Variants in TVP23B observed in about 807,000 individuals in gnomAD.
TVP23B encodes the protein trans-golgi network vesicle protein 23 homolog B.
Under a neutral mutation model 30.6 loss-of-function variants are expected in TVP23B, and 10 were observed. The observed-to-expected ratio is 0.33, with a 90% CI of 0.20 to 0.55. The LOEUF (loss-of-function observed/expected upper bound fraction) is 0.55, where lower values mean the gene tolerates loss of function less well. Ranked by LOEUF, TVP23B falls within the 20% of genes least tolerant of loss-of-function variation. The pLI is 0.91. For synonymous variants in TVP23B, 67 were observed against 83.1 expected, an observed-to-expected ratio of 0.81 and a Z score of 1.06; for missense variants, 153 against 243.2, an observed-to-expected ratio of 0.63 and a Z score of 2.47.
intron 1 of TVP23B, among the ~76,000 whole-genome samples, chr17:18,783,978 G>C (rs1768864858): frequency 1.3e-5 from 2 of 151,716 alleles, no homozygotes; most frequent in South Asian, 4.2e-4. Flanking sequence ...AACCCCGTCT[G>C]TACTAAAAAA....
intron 3 of TVP23B, chr17:18,796,644 G>A (rs1039960090): frequency 1.3e-5 from 2 of 152,048 alleles, no homozygotes; most frequent in African/African-American, 4.8e-5. Flanking sequence ...GATTTCTATT[G>A]TGTCAGGGTG....
intron 6 of TVP23B, among the ~76,000 whole-genome samples, chr17:18,805,069 T>G (rs1453092520): frequency 6.7e-6 from 1 of 149,368 alleles, no homozygotes; most frequent in Non-Finnish European, 1.5e-5. Context: ...TTGGGAAAAG[T>G]GACTAGGTCT....
At chr17:18,800,829 T>C (rs1249599279) in intron 5 of TVP23B, among the ~76,000 whole-genome samples, 1 of 152,248 alleles carries the variant, frequency 6.6e-6, no homozygotes, top group Admixed American at 6.5e-5. Flanking sequence ...ACGTTTATGT[T>C]GGATCATTTT....
chr17:18,782,474 C>T (rs952625673), intron 1 of TVP23B: 9 of 150,326 alleles, frequency 6.0e-5, no homozygotes, highest in African/African-American at 2.0e-4. Flanking sequence ...TGCACTCCAT[C>T]CAGCCTGGCT....
intron 3 of TVP23B, among the ~76,000 whole-genome samples, chr17:18,795,639 A>G (rs576902458): frequency 3.7e-4 from 56 of 152,328 alleles, no homozygotes; most frequent in Admixed American, 8.5e-4. Flanking sequence ...AAAGGAAGTC[A>G]CTTATATTGA....
chr17:18,800,655 A>G (rs2036148514), intron 5 of TVP23B, among the ~76,000 whole-genome samples: 1 of 151,606 alleles, frequency 6.6e-6, no homozygotes, highest in Non-Finnish European at 1.5e-5. Flanking sequence ...AGTTCATGTA[A>G]CCCAGATGTA....
intron 5 of TVP23B, among the ~76,000 whole-genome samples, chr17:18,803,301 G>A (rs991346584): frequency 5.3e-5 from 8 of 152,154 alleles, no homozygotes; most frequent in African/African-American, 1.9e-4. Context: ...ATTGTCTATG[G>A]CTGCCTTCGG....
Position 18,791,019 on chromosome 17 carries a change from G to A in TVP23B, c.219G>A (p.Ser73=), listed in dbSNP as rs753835939. The change falls in exon 3 of 7, where the codon TCG becomes TCA. Residue 73 remains serine (S), a synonymous_variant. Transcript: ENST00000307767. ...TGGTGACAATTATCTTGTTGTTGTC[G>A]TGTGACTTTTGGGCAGTGAAGGTAA... ...TCMVTIILLL[S]CDFWAVKNVT... is the part of the protein sequence containing the mutation. 47 of 1,598,184 alleles carry A rather than the reference G, an allele frequency of 2.9e-5. No individual in the cohort carries two copies. The highest frequency in any genetic ancestry group is 6.8e-5 in the African/African-American group (5 of 73,950).
chr17:18,802,870 G>C (rs1055281829), intron 5 of TVP23B, among the ~76,000 whole-genome samples: 1 of 152,080 alleles, frequency 6.6e-6, no homozygotes, highest in Non-Finnish European at 1.5e-5. Flanking sequence ...CATTTGAGAA[G>C]CATGGGAAAT....
At chr17:18,793,714 C>A (rs2036033527) in intron 3 of TVP23B, among the ~76,000 whole-genome samples, 1 of 150,746 alleles carries the variant, frequency 6.6e-6, no homozygotes, top group African/African-American at 2.4e-5. Flanking sequence ...AGAAGGAAAA[C>A]AAAGCAACTG....
intron 1 of TVP23B, among the ~76,000 whole-genome samples, chr17:18,784,033 T>A (rs2035858979): frequency 6.6e-6 from 1 of 152,062 alleles, no homozygotes; most frequent in Admixed American, 6.6e-5. Context: ...TAGTCCCAGC[T>A]ACTCGGGAAG....
At chr17:18,804,908 G>C (rs1029886405) in intron 6 of TVP23B, among the ~76,000 whole-genome samples, 1 of 151,768 alleles carries the variant, frequency 6.6e-6, no homozygotes, top group African/African-American at 2.4e-5. Context: ...ATGGTTTTAG[G>C]GAGAACAGTT....
At chr17:18,803,606 C>T (rs1216781083) in intron 5 of TVP23B, among the ~76,000 whole-genome samples, 2 of 152,242 alleles carry the variant, frequency 1.3e-5, no homozygotes, top group Admixed American at 1.3e-4. Context: ...GAGCTGTCTC[C>T]CTGCTCGGGG....
intron 3 of TVP23B, among the ~76,000 whole-genome samples, chr17:18,792,562 C>T (rs182474477): frequency 7.0e-4 from 107 of 152,272 alleles, no homozygotes; most frequent in African/African-American, 2.0e-3. Flanking sequence ...TTTTGTTGTT[C>T]ATAAAATTTC....
At chr17:18,793,050 G>T (rs2954743) in intron 3 of TVP23B, among the ~76,000 whole-genome samples, 1 of 151,690 alleles carries the variant, frequency 6.6e-6, no homozygotes, top group African/African-American at 2.4e-5. Context: ...AAAAAAAATC[G>T]CACACAAAAA....
At chr17:18,792,737 G>A (rs2036015942) in intron 3 of TVP23B, among the ~76,000 whole-genome samples, 1 of 152,048 alleles carries the variant, frequency 6.6e-6, no homozygotes, top group African/African-American at 2.4e-5. Context: ...TTAAAAAATG[G>A]CACCCTTTTA....
At chr17:18,792,452 TGTC>T (rs1403609095) in intron 3 of TVP23B, among the ~76,000 whole-genome samples, 1 of 152,262 alleles carries the variant, frequency 6.6e-6, no homozygotes, top group East Asian at 1.9e-4. Flanking sequence ...GTTTTTCTGT[TGTC>T]CAGTCTTCTT....
At chr17:18,785,326 T>A (rs1004744837) in intron 1 of TVP23B, among the ~76,000 whole-genome samples, 4 of 152,266 alleles carry the variant, frequency 2.6e-5, no homozygotes, top group African/African-American at 9.6e-5. Flanking sequence ...CGAAATCTTT[T>A]GTGTCCGTGG....
intron 1 of TVP23B, 90 bp downstream of exon 1, chr17:18,781,395 C>G (rs2035805132): frequency 2.6e-6 from 4 of 1,530,594 alleles, no homozygotes; most frequent in Non-Finnish European, 2.6e-6. Flanking sequence ...CCCCCGCGCC[C>G]GCTACTCGAA....
Sources: gnomAD v4.1 joint callset for allele counts (sites outside exome capture counted in the v4.1 genomes callset) on GRCh38, gnomAD v4.1.1 for gene constraint, MANE v1.5 for transcripts, NCBI Gene and HGNC (gene_info 2026-07-23, HGNC 2026-07-21) for gene names.